LINGO2: variants seen among roughly 807,000 people sequenced by gnomAD.
LINGO2 encodes the protein leucine rich repeat and Ig domain containing 2, also known as leucine-rich repeat and immunoglobulin-like domain-containing nogo receptor-interacting protein 2.
Under a neutral mutation model 30.6 loss-of-function variants are expected in LINGO2, and 14 were observed. The observed-to-expected ratio is 0.46, with a 90% CI of 0.30 to 0.72. The LOEUF is 0.72. Among genes scored for constraint, LINGO2 ranks in the 30% least tolerant of loss-of-function variants. LINGO2 has a pLI of 0.07. For missense variants in LINGO2, 729 were observed against 751.7 expected (o/e 0.97, Z 0.35); for synonymous variants, 317 against 288.5 (o/e 1.10, Z -1.00).
At chr9:28,712,300 C>T in the LINGO2 span, among the ~76,000 whole-genome samples, 1 of 151,966 alleles carries the variant, frequency 6.6e-6, no homozygotes, top group Non-Finnish European at 1.5e-5. Flanking sequence ...CTTGAATGAT[C>T]AAAATGAACT....
At chr9:28,905,729 C>G in the LINGO2 span, among the ~76,000 whole-genome samples, 1 of 151,938 alleles carries the variant, frequency 6.6e-6, no homozygotes, top group African/African-American at 2.4e-5. Flanking sequence ...ATTAGTATGG[C>G]TATCATAGAA....
chr9:28,870,052 A>G, the LINGO2 span, among the ~76,000 whole-genome samples: 1 of 151,968 alleles, frequency 6.6e-6, no homozygotes, highest in African/African-American at 2.4e-5. Flanking sequence ...ATGCATTTAT[A>G]TTGAGTCCCT....
At chr9:28,152,338 T>A (rs1828024074) in intron 4 of LINGO2, among the ~76,000 whole-genome samples, 1 of 152,146 alleles carries the variant, frequency 6.6e-6, no homozygotes, top group African/African-American at 2.4e-5. Flanking sequence ...TCTCGCCATG[T>A]GACCTCTGCA....
At chr9:28,568,381 C>T (rs973779234) in intron 1 of LINGO2, among the ~76,000 whole-genome samples, 1 of 151,940 alleles carries the variant, frequency 6.6e-6, no homozygotes, top group Non-Finnish European at 1.5e-5. Flanking sequence ...TGGTACTAGG[C>T]TTAGTACCTG....
intron 4 of LINGO2, among the ~76,000 whole-genome samples, chr9:28,236,547 C>A (rs978259933): frequency 6.6e-6 from 1 of 151,956 alleles, no homozygotes. Context: ...ACATATTCAG[C>A]CATAAAAAAG....
chr9:28,298,108 T>A (rs1008026464), intron 3 of LINGO2, among the ~76,000 whole-genome samples: 4 of 152,100 alleles, frequency 2.6e-5, no homozygotes, highest in Non-Finnish European at 4.4e-5. Flanking sequence ...ACTTTCATTA[T>A]GAAAAAACAC....
At chr9:28,162,981 A>G (rs1828329936) in intron 4 of LINGO2, among the ~76,000 whole-genome samples, 1 of 152,152 alleles carries the variant, frequency 6.6e-6, no homozygotes, top group African/African-American at 2.4e-5. Flanking sequence ...TGAACTGGAG[A>G]GAGTTGCTTG....
At chr9:28,041,404 T>A (rs1411651430) in intron 4 of LINGO2, among the ~76,000 whole-genome samples, 1 of 152,140 alleles carries the variant, frequency 6.6e-6, no homozygotes, top group Non-Finnish European at 1.5e-5. Context: ...CCTGTGTGCT[T>A]CTGTGTATAA....
intron 4 of LINGO2, among the ~76,000 whole-genome samples, chr9:28,139,522 G>A (rs1255149714): frequency 1.3e-5 from 2 of 152,156 alleles, no homozygotes; most frequent in African/African-American, 4.8e-5. Flanking sequence ...TAAGAGAAAT[G>A]TAGATTTTAA....
chr9:29,012,850 TTAG>T, the LINGO2 span, among the ~76,000 whole-genome samples: 175 of 152,290 alleles, frequency 1.1e-3, 1 homozygote, highest in Middle Eastern at 0.014. Context: ...AATCTACCCA[TTAG>T]TAGACTTTGA....
intron 4 of LINGO2, among the ~76,000 whole-genome samples, chr9:28,125,792 T>C (rs1210652630): frequency 6.6e-6 from 1 of 152,228 alleles, no homozygotes; most frequent in East Asian, 1.9e-4. Context: ...ACTATAATAC[T>C]GCCTAAGGCT....
At chr9:27,960,577 C>T (rs1371495987) in intron 5 of LINGO2, among the ~76,000 whole-genome samples, 1 of 150,284 alleles carries the variant, frequency 6.7e-6, no homozygotes, top group African/African-American at 2.4e-5. Context: ...ATGATTAAAA[C>T]AGCCACTCTA....
At chr9:28,357,314 AG>A (rs1820251094) in intron 3 of LINGO2, among the ~76,000 whole-genome samples, 1 of 42,176 alleles carries the variant, frequency 2.4e-5, no homozygotes, top group Non-Finnish European at 4.4e-5. Context: ...ACAGAAATAA[AG>A]CCCACCCCCC....
intron 3 of LINGO2, among the ~76,000 whole-genome samples, chr9:28,333,068 C>T (rs1825477509): frequency 6.6e-6 from 1 of 152,116 alleles, no homozygotes; most frequent in South Asian, 2.1e-4. Flanking sequence ...TCCAGCTGGT[C>T]TTTCCAAAAA....
At chr9:27,995,337 A>C (rs554806280) in intron 5 of LINGO2, among the ~76,000 whole-genome samples, 1 of 152,258 alleles carries the variant, frequency 6.6e-6, no homozygotes, top group Admixed American at 6.5e-5. Context: ...AATTCTACTC[A>C]AACTGTTACA....
intron 2 of LINGO2, among the ~76,000 whole-genome samples, chr9:28,438,394 G>C (rs1043515401): frequency 6.6e-6 from 1 of 152,140 alleles, no homozygotes; most frequent in Admixed American, 6.5e-5. Context: ...GTCTTCTTGA[G>C]CTGCGACATC....
At chr9:29,178,969 T>TTAAG in the LINGO2 span, among the ~76,000 whole-genome samples, 1 of 150,220 alleles carries the variant, frequency 6.7e-6, no homozygotes, top group Non-Finnish European at 1.5e-5. Context: ...TCTAAAATAA[T>TTAAG]TAATTAATTA....
At chr9:27,949,553 C>T (rs748117682) in exon 6 of LINGO2, 33 of 1,613,960 alleles carry the variant, frequency 2.0e-5, no homozygotes, top group Non-Finnish European at 2.8e-5. Flanking sequence ...CACCAAACTG[C>T]AGGGTGGGCT....
At chr9:28,864,505 T>C in the LINGO2 span, among the ~76,000 whole-genome samples, 1 of 152,186 alleles carries the variant, frequency 6.6e-6, no homozygotes, top group Admixed American at 6.6e-5. Context: ...GTTTCATTTA[T>C]AATTAATGAA....
Sources: gnomAD v4.1 joint callset for allele counts (sites outside exome capture counted in the v4.1 genomes callset) on GRCh38, gnomAD v4.1.1 for gene constraint, MANE v1.5 for transcripts, NCBI Gene and HGNC (gene_info 2026-07-23, HGNC 2026-07-21) for gene names.